The following ZRANB1 variants were observed in gnomAD, a reference collection of about 807,000 sequenced individuals.
ZRANB1 encodes the protein ubiquitin thioesterase ZRANB1.
Under a neutral mutation model 80.5 loss-of-function variants are expected in ZRANB1, and 16 were observed. The observed-to-expected ratio is 0.20, with a 90% CI of 0.13 to 0.30. The LOEUF is 0.30. ZRANB1 is among the 10% of genes least tolerant of loss of function. ZRANB1 has a pLI of 1.00. For missense variants in ZRANB1, 576 were observed against 862.6 expected (o/e 0.67, Z 4.16); for synonymous variants, 291 against 293.1 (o/e 0.99, Z 0.07).
chr10:124,940,937 ACT>A (rs1196332060), upstream of ZRANB1, among the ~76,000 whole-genome samples: 1 of 151,948 alleles, frequency 6.6e-6, no homozygotes, highest in Non-Finnish European at 1.5e-5. Flanking sequence ...AGATTGCACC[ACT>A]CCACTGCATT....
intron 1 of ZRANB1, among the ~76,000 whole-genome samples, chr10:124,949,950 A>G (rs1281281282): frequency 6.6e-6 from 1 of 152,174 alleles, no homozygotes; most frequent in Non-Finnish European, 1.5e-5. Flanking sequence ...CCTGTTGAAA[A>G]TCAATGACTT....
intron 1 of ZRANB1, chr10:124,946,418 CAA>C (rs1345969298): frequency 8.5e-4 from 54 of 63,688 alleles, no homozygotes; most frequent in Non-Finnish European, 1.1e-3. Context: ...AACCCTGTCT[CAA>C]AAAAAAAAAA....
At chr10:124,976,153 T>C (rs1951874523) in intron 5 of ZRANB1, among the ~76,000 whole-genome samples, 1 of 152,210 alleles carries the variant, frequency 6.6e-6, no homozygotes, top group Admixed American at 6.5e-5. Flanking sequence ...AATTAGTAAT[T>C]GTCCTGGAGA....
At chr10:124,948,222 TTTCTC>T (rs1309084276) in intron 1 of ZRANB1, among the ~76,000 whole-genome samples, 2 of 152,194 alleles carry the variant, frequency 1.3e-5, no homozygotes, top group African/African-American at 4.8e-5. Flanking sequence ...GTAAATGTAT[TTTCTC>T]TTCCTTATGA....
At chr10:124,980,632 T>C (rs1951923157) in intron 5 of ZRANB1, among the ~76,000 whole-genome samples, 1 of 152,264 alleles carries the variant, frequency 6.6e-6, no homozygotes, top group South Asian at 2.1e-4. Flanking sequence ...ACATCCTCAG[T>C]TACGTGGAGT....
upstream of ZRANB1, among the ~76,000 whole-genome samples, chr10:124,940,141 G>C (rs892206720): frequency 6.6e-6 from 1 of 152,148 alleles, no homozygotes; most frequent in Non-Finnish European, 1.5e-5. Flanking sequence ...TGTGTACACA[G>C]CACAGGGTTA....
At chr10:124,956,212 C>G (rs1008327414) in intron 1 of ZRANB1, among the ~76,000 whole-genome samples, 1 of 152,046 alleles carries the variant, frequency 6.6e-6, no homozygotes, top group African/African-American at 2.4e-5. Context: ...CTATATTAAA[C>G]GAACACATTG....
At chr10:124,969,896 A>G (rs1305446235) in intron 2 of ZRANB1, among the ~76,000 whole-genome samples, 1 of 152,130 alleles carries the variant, frequency 6.6e-6, no homozygotes, top group Non-Finnish European at 1.5e-5. Flanking sequence ...TCAGGGGCAC[A>G]TCCTGCTTAA....
chr10:124,966,947 T>A (rs1589850224), intron 2 of ZRANB1, among the ~76,000 whole-genome samples, 166 bp downstream of exon 2: 1 of 152,340 alleles, frequency 6.6e-6, no homozygotes, highest in East Asian at 1.9e-4. Context: ...TTTTTAAGGG[T>A]ATATGCTTTC....
chr10:124,944,095 G>C (rs1951559850), intron 1 of ZRANB1, among the ~76,000 whole-genome samples: 1 of 152,214 alleles, frequency 6.6e-6, no homozygotes, highest in African/African-American at 2.4e-5. Flanking sequence ...AAAGGACAGA[G>C]ACATAGGAGA....
At chr10:124,979,818 A>C (rs1951917154) in intron 5 of ZRANB1, among the ~76,000 whole-genome samples, 1 of 152,210 alleles carries the variant, frequency 6.6e-6, no homozygotes, top group Non-Finnish European at 1.5e-5. Context: ...GTCGAAAATT[A>C]GTTGACCATA....
At chr10:124,951,563 A>G (rs917016755) in intron 1 of ZRANB1, among the ~76,000 whole-genome samples, 3 of 152,208 alleles carry the variant, frequency 2.0e-5, no homozygotes, top group Non-Finnish European at 4.4e-5. Flanking sequence ...AGAGGCTTCT[A>G]TTCTCTAGTT....
chr10:124,924,751 T>C, the ZRANB1 span, among the ~76,000 whole-genome samples: 4 of 152,338 alleles, frequency 2.6e-5, no homozygotes, highest in East Asian at 1.9e-4. Flanking sequence ...TTGGCTATTA[T>C]ACTGCTGTGA....
chr10:124,983,446 C>T lies in ZRANB1; in HGVS notation c.1679-13C>T. 1 of 1,602,764 alleles carries T rather than the reference C, an allele frequency of 6.2e-7. No homozygotes were observed. Among genetic ancestry groups the T allele is most frequent in the Non-Finnish European group, 8.5e-7 (1 of 1,171,982 alleles). ...TCCTGTGACTGTTGGGATTTTCTTCCCTCTCTTTCCAGGTGTTTATCTGCC... is the reference window on the plus strand; with the variant it reads ...TCCTGTGACTGTTGGGATTTTCTTCTCTCTCTTTCCAGGTGTTTATCTGCC... On this transcript the variant is annotated splice_polypyrimidine_tract_variant and intron_variant, in intron 7 of 8. Coordinates refer to ENST00000359653, the MANE Select transcript of ZRANB1 (RefSeq NM_017580.3). This position sits in a 1 kb window ranked among gnomAD's most constrained non-coding sequence, Gnocchi z 6.2.
At position 124,966,736 on chromosome 10, in the gene ZRANB1, T is replaced by C. The variant is rs757962428; in HGVS notation, c.957T>C (p.Ala319=). ...TTGGCTATACTCTTGTACACTTGGC[T>C]ATACGTTTTCAGAGGCAGGATATGC... ...FDVGYTLVHL[A]IRFQRQDMLA... The change falls in exon 2 of 9, where the codon GCT becomes GCC. Residue 319 remains alanine, a synonymous_variant. Coordinates refer to ENST00000359653, the MANE Select transcript of ZRANB1 (RefSeq NM_017580.3). The C allele has an allele frequency of 7.6e-5, 122 of 1,614,050 alleles. No homozygotes were observed. The highest frequency in any genetic ancestry group is 1.0e-4 in the Non-Finnish European group (120 of 1,180,012).
chr10:124,975,391 A>G (rs1951867984), intron 5 of ZRANB1, among the ~76,000 whole-genome samples: 1 of 152,210 alleles, frequency 6.6e-6, no homozygotes, highest in East Asian at 1.9e-4. Flanking sequence ...ATCTTTCCAG[A>G]ATAAGAATAT....
At chr10:124,922,401 C>T in the ZRANB1 span, among the ~76,000 whole-genome samples, 1 of 149,288 alleles carries the variant, frequency 6.7e-6, no homozygotes, top group East Asian at 1.9e-4. Context: ...TCACAACTCA[C>T]TGCAGCCTTG....
rs1276927804 is a variant in ZRANB1 at position 124,983,169 on chromosome 10, G to C, written c.1549-6G>C. 1 of 1,607,126 alleles carries C rather than the reference G, an allele frequency of 6.2e-7. No individual in the cohort carries two copies. The highest frequency in any genetic ancestry group is 8.5e-7 in the Non-Finnish European group (1 of 1,177,600). ...ATGTTTTAAGTTTTTGTTTTGTTTCGTACAGCCTGGAGCAAGCTTGGAGCA... is the reference window on the plus strand; with the variant it reads ...ATGTTTTAAGTTTTTGTTTTGTTTCCTACAGCCTGGAGCAAGCTTGGAGCA... On this transcript the variant is annotated splice_region_variant and splice_polypyrimidine_tract_variant and intron_variant, in intron 6 of 8. Coordinates refer to ENST00000359653, the MANE Select transcript of ZRANB1 (RefSeq NM_017580.3). This position sits in a 1 kb window ranked among gnomAD's most constrained non-coding sequence, Gnocchi z 6.2.
intron 1 of ZRANB1, among the ~76,000 whole-genome samples, chr10:124,960,988 GTTTTTGTTTTGT>G (rs1415078633): frequency 6.6e-6 from 1 of 151,456 alleles, no homozygotes; most frequent in Admixed American, 6.6e-5. Flanking sequence ...GAACCTAAGA[GTTTTTGTTTTGT>G]TTTTTGTTTT....
Sources: allele counts gnomAD v4.1 joint callset (sites outside exome capture counted in the v4.1 genomes callset), GRCh38; gene constraint gnomAD v4.1.1; non-coding constraint Gnocchi (gnomAD v3.1); transcripts MANE v1.5; gene names NCBI Gene and HGNC (gene_info 2026-07-23, HGNC 2026-07-21).